Variants in MAFK observed in about 807,000 individuals in gnomAD.
The protein encoded by MAFK is MAF bZIP transcription factor K, also known as transcription factor MafK.
A neutral mutation model predicts 9.2 loss-of-function variants in MAFK; 1 was observed. That is an observed-to-expected ratio of 0.11 (90% confidence interval 0.04 to 0.52). The LOEUF (loss-of-function observed/expected upper bound fraction) is 0.52. Among genes scored for constraint, MAFK ranks in the 20% least tolerant of loss-of-function variants. MAFK has a pLI of 0.94. For synonymous variants in MAFK, 110 were observed against 107.4 expected, an observed-to-expected ratio of 1.02 and a Z score of -0.15; for missense variants, 207 against 236.0, an observed-to-expected ratio of 0.88 and a Z score of 0.81.
rs1238038802 is a variant in MAFK, at chr7:1,534,108, C to G, written c.-45+3210C>G. On this transcript the variant is annotated intron_variant, in intron 1 of 2. Transcript: ENST00000343242. The surrounding 1 kb of genome is among the most constrained non-coding windows in gnomAD (Gnocchi z 4.3). ...ACAGTCATGGCTTGCTGGAGGGCAG[C>G]CAGCCAGGGCCAGGCTGCTGGCTGG... 2 of 392,192 alleles carry G rather than the reference C, an allele frequency of 5.1e-6. No individual in the cohort carries two copies. Among genetic ancestry groups the G allele is most frequent in the Non-Finnish European group, 1.1e-5 (2 of 189,378 alleles). The allele number at this position is 392,192 out of a possible 1,614,324, so 24.3% of individuals were successfully genotyped here. A position where few individuals can be genotyped will look rare whatever the true frequency, so the allele number is the denominator to read the frequency against.
rs965522660 is a variant in MAFK at position 1,540,613 on chromosome 7, C to T, written c.*238C>T. On this transcript the variant is annotated 3_prime_UTR_variant, in exon 3 of 3. Transcript: ENST00000343242. ...ACTCACGCCCGCCACCTGCTCCCCG[C>T]AGGATGTGTCTGTGTGTGGGAATTG... The T allele has an allele frequency of 5.6e-6, 3 of 531,882 alleles. No individual in the cohort carries two copies. The highest frequency in any genetic ancestry group is 4.0e-5 in the African/African-American group (2 of 50,474). 32.9% of individuals were successfully genotyped at this position (531,882 alleles called of 1,614,324 possible).
chr7:1,532,612 G>C lies in MAFK; in HGVS notation c.-45+1714G>C, dbSNP rs1044158413. 3.9e-5 allele frequency among the ~76,000 whole-genome samples: 6 copies of C among 152,288 alleles called. No homozygotes were observed. Among genetic ancestry groups the C allele is most frequent in the African/African-American group, 1.2e-4 (5 of 41,560 alleles). ...GCGTTTACCGAGGGTCAGGGTTGTC[G>C]GGGCGCCAGCCTTTGTGTGCACCCG... On this transcript the variant is annotated intron_variant, in intron 1 of 2. Transcript: ENST00000343242. This position sits in a 1 kb window ranked among gnomAD's most constrained non-coding sequence, Gnocchi z 4.5.
rs1177483906 is a variant in MAFK, at chr7:1,542,670, G to T, written c.*2295G>T. The T allele has an allele frequency of 6.6e-6, 1 of 152,392 alleles. No individual in the cohort carries two copies. The highest frequency in any genetic ancestry group is 1.5e-5 in the Non-Finnish European group (1 of 68,042). The allele number at this position is 152,392 out of a possible 1,614,324, so 9.4% of individuals were successfully genotyped here. ...ATTTCATTGTCATGATTTAATATAT[G>T]GATTTTTTTATTTAAGAAAAAGACG... On this transcript the variant is annotated 3_prime_UTR_variant, in exon 3 of 3. Coordinates refer to ENST00000343242, the MANE Select transcript of MAFK (RefSeq NM_002360.4).
Sources: gnomAD v4.1 joint callset for allele counts (sites outside exome capture counted in the v4.1 genomes callset) on GRCh38, gnomAD v4.1.1 for gene constraint, Gnocchi (gnomAD v3.1) non-coding constraint, MANE v1.5 for transcripts, NCBI Gene and HGNC (gene_info 2026-07-23, HGNC 2026-07-21) for gene names.